The following ARHGAP21 variants were observed in gnomAD, a reference collection of about 807,000 sequenced individuals.
The protein encoded by ARHGAP21 is rho GTPase-activating protein 21.
In ARHGAP21, 38 loss-of-function variants were observed where a neutral mutation model predicts 164.6. That is an observed-to-expected ratio of 0.23 (90% CI 0.18 to 0.30). The LOEUF is 0.30. ARHGAP21 is among the 10% of genes least tolerant of loss of function. The pLI is 1.00. For synonymous variants in ARHGAP21, 766 were observed against 857.9 expected, an observed-to-expected ratio of 0.89 and a Z score of 1.87; for missense variants, 1,822 against 2,370.7, an observed-to-expected ratio of 0.77 and a Z score of 4.81.
rs1405574900 is a variant in ARHGAP21 at position 24,615,185 on chromosome 10, C to T, written c.2422+4288G>A. On this transcript the variant is annotated intron_variant, in intron 9 of 25. Coordinates refer to ENST00000396432, the MANE Select transcript of ARHGAP21 (RefSeq NM_020824.4). The stretch of plus-strand genomic sequence containing the variant: ...AGTTTAGGCAACGAAAGTGAAATTC[C>T]GTCTCAAAAACAAACAAAAAAAACT... Among the ~76,000 whole-genome samples the T allele has an allele frequency of 2.6e-5, 4 of 152,126 alleles. No individual in the cohort carries two copies. In the East Asian group the frequency reaches 5.8e-4, roughly 22 times the overall value.
At chr10:24,672,190 A>G (rs1840771392) in intron 2 of ARHGAP21, among the ~76,000 whole-genome samples, 1 of 151,286 alleles carries the variant, frequency 6.6e-6, no homozygotes, top group African/African-American at 2.4e-5. Context: ...TATCTGCCTG[A>G]CTCCCAGAAA....
intron 4 of ARHGAP21, among the ~76,000 whole-genome samples, chr10:24,663,077 G>A (rs1362798642): frequency 6.6e-6 from 1 of 151,924 alleles, no homozygotes; most frequent in Non-Finnish European, 1.5e-5. Flanking sequence ...AATGTGTGCA[G>A]ATTAGCATAT....
intron 19 of ARHGAP21, 22 bp from the exon 20 acceptor site, chr10:24,595,212 C>G (rs1397990047): frequency 1.3e-6 from 2 of 1,585,232 alleles, no homozygotes; most frequent in Non-Finnish European, 8.6e-7. Flanking sequence ...AACAATAAAA[C>G]AAATTTATCT....
At position 24,619,669 on chromosome 10, in the gene ARHGAP21, T is replaced by C. The variant is rs1834349288; in HGVS notation, c.2226A>G (p.Pro742=). 10 of 1,614,038 alleles carry C rather than the reference T, an allele frequency of 6.2e-6. No individual in the cohort carries two copies. The highest frequency in any genetic ancestry group is 7.6e-6 in the Non-Finnish European group (9 of 1,180,026). The change falls in exon 9 of 26, where the codon CCA becomes CCG. Residue 742 remains proline (P), a synonymous_variant. Transcript: ENST00000396432. ...KEAVILREKP[P]SGRQTPQPLR... ...AAGGCTGCGGTGTCTGGCGTCCAGA[T>C]GGAGGTTTTTCCCTTAGGATGACAG...
At chr10:24,596,669 A>G (rs764377217) in intron 17 of ARHGAP21, 71 bp downstream of exon 17, 1 of 1,597,618 alleles carries the variant, frequency 6.3e-7, no homozygotes, top group South Asian at 1.1e-5. Context: ...GAAAGGCTAT[A>G]TACTCAGATC....
chr10:24,681,861 G>C lies in ARHGAP21; in HGVS notation c.64-11464C>G, dbSNP rs180743630. Among the ~76,000 whole-genome samples, 7 of 152,082 alleles carry C rather than the reference G, an allele frequency of 4.6e-5. No homozygotes were observed. In the East Asian group the frequency reaches 1.4e-3, roughly 29 times the overall value. On this transcript the variant is annotated intron_variant, in intron 2 of 25. Transcript: ENST00000396432. ...GTATGGTATGACCGTCACCTGGCTCGTTTTTTCTTTTGTAACACTGGAAGA... is the reference window on the plus strand; with the variant it reads ...GTATGGTATGACCGTCACCTGGCTCCTTTTTTCTTTTGTAACACTGGAAGA...
At chr10:24,637,834 T>G (rs1836537814) in intron 4 of ARHGAP21, among the ~76,000 whole-genome samples, 1 of 152,048 alleles carries the variant, frequency 6.6e-6, no homozygotes, top group African/African-American at 2.4e-5. Context: ...CTGTTACATC[T>G]GCTGAGAGTT....
At chr10:24,708,995 C>A (rs1844514632) in intron 2 of ARHGAP21, among the ~76,000 whole-genome samples, 1 of 152,072 alleles carries the variant, frequency 6.6e-6, no homozygotes, top group Admixed American at 6.6e-5. Context: ...TTTAAGAAAT[C>A]TCCACACAGT....
intron 9 of ARHGAP21, among the ~76,000 whole-genome samples, chr10:24,614,597 A>C (rs1052012073): frequency 6.6e-6 from 1 of 151,902 alleles, no homozygotes; most frequent in Non-Finnish European, 1.5e-5. Context: ...AGCTTGGCCA[A>C]CATGGTGAAA....
chr10:24,721,830 C>T lies in ARHGAP21; in HGVS notation c.63+7G>A. The T allele has an allele frequency of 6.2e-7, 1 of 1,614,144 alleles. No homozygotes were observed. The highest frequency in any genetic ancestry group is 1.1e-5 in the South Asian group (1 of 91,052). On this transcript the variant is annotated splice_region_variant and intron_variant, in intron 2 of 25. Transcript: ENST00000396432. ...CTGCCGGCCAGGAACGCTGGCTCCG[C>T]GCTTACCTCGCAGGCCTTGAGCTTG...
chr10:24,695,652 G>A (rs1843115172), intron 2 of ARHGAP21, among the ~76,000 whole-genome samples: 4 of 151,762 alleles, frequency 2.6e-5, no homozygotes, highest in Admixed American at 2.0e-4. Flanking sequence ...GACCTGTCTC[G>A]CCTACACTCT....
chr10:24,667,673 A>G (rs1333498554), intron 3 of ARHGAP21, among the ~76,000 whole-genome samples: 2 of 152,136 alleles, frequency 1.3e-5, no homozygotes, highest in Non-Finnish European at 2.9e-5. Context: ...GCTACCATGT[A>G]CCTTAGAAAG....
chr10:24,629,838 T>A (rs1211713616), intron 7 of ARHGAP21, 158 bp downstream of exon 7: 2 of 695,128 alleles, frequency 2.9e-6, no homozygotes, highest in Non-Finnish European at 5.3e-6. Flanking sequence ...ATGGTATTTT[T>A]GTAAAATGTA....
intron 21 of ARHGAP21, 144 bp from the exon 22 acceptor site, chr10:24,592,156 A>ATTTTTTTTTTT (rs57846258): frequency 4.9e-6 from 1 of 205,774 alleles, no homozygotes; most frequent in African/African-American, 4.1e-5. Context: ...TTCTAGCAAG[A>ATTTTTTTTTTT]TTTTTTTTTT....
At chr10:24,710,811 AAGT>A (rs749316525) in intron 2 of ARHGAP21, among the ~76,000 whole-genome samples, 2 of 152,120 alleles carry the variant, frequency 1.3e-5, no homozygotes, top group Non-Finnish European at 2.9e-5. Context: ...CTCAGTAAGA[AAGT>A]AGCTGGTGCG....
intron 4 of ARHGAP21, among the ~76,000 whole-genome samples, chr10:24,653,940 C>T (rs1838499764): frequency 6.6e-6 from 1 of 151,994 alleles, no homozygotes; most frequent in African/African-American, 2.4e-5. Flanking sequence ...GAAAAGACGA[C>T]CTACATAATG....
chr10:24,645,433 A>T (rs1237607405), intron 4 of ARHGAP21, among the ~76,000 whole-genome samples: 1 of 151,970 alleles, frequency 6.6e-6, no homozygotes, highest in East Asian at 1.9e-4. Context: ...AAAATACAAA[A>T]ATTAGCAGGG....
At chr10:24,611,915 G>A (rs962992799) in intron 9 of ARHGAP21, among the ~76,000 whole-genome samples, 19 of 152,088 alleles carry the variant, frequency 1.2e-4, no homozygotes, top group Middle Eastern at 3.4e-3. Context: ...TAAATGTGGA[G>A]GGCAATGCAT....
intron 4 of ARHGAP21, among the ~76,000 whole-genome samples, chr10:24,648,064 C>T (rs891093080): frequency 6.6e-6 from 1 of 152,138 alleles, no homozygotes; most frequent in South Asian, 2.1e-4. Flanking sequence ...GGTCTCAACT[C>T]CTGACCTCAG....
Sources: allele counts gnomAD v4.1 joint callset (sites outside exome capture counted in the v4.1 genomes callset), GRCh38; gene constraint gnomAD v4.1.1; transcripts MANE v1.5; gene names NCBI Gene and HGNC (gene_info 2026-07-23, HGNC 2026-07-21).